Variants in AGO1 observed in about 807,000 individuals in gnomAD.
AGO1 encodes protein argonaute-1.
A neutral mutation model predicts 109.2 loss-of-function variants in AGO1; 11 were observed. That is an observed-to-expected ratio of 0.10 (90% CI 0.06 to 0.17). The LOEUF (loss-of-function observed/expected upper bound fraction) is 0.17, where lower values mean the gene tolerates loss of function less well. Among genes scored for constraint, AGO1 ranks in the 10% least tolerant of loss-of-function variants. The probability of loss-of-function intolerance (pLI) is 1.00; values close to 1 mark genes in which losing one functional copy is unlikely to be tolerated. For missense variants in AGO1, 574 were observed against 1,140.3 expected (o/e 0.50, Z 7.15); for synonymous variants, 422 against 418.6 (o/e 1.01, Z -0.10).
rs1471932731 is a variant in AGO1, at chr1:35,928,521, C to T, written c.*8914C>T. Reference sequence around the variant, plus strand: ...CAGGCTGGCCTCTCTTAGCTTCAAGCTATCCTCCCGCCTCGGCCTCCCAAA... The same window carrying T: ...CAGGCTGGCCTCTCTTAGCTTCAAGTTATCCTCCCGCCTCGGCCTCCCAAA... On this transcript the variant is annotated 3_prime_UTR_variant, in exon 19 of 19. Coordinates refer to ENST00000373204, the MANE Select transcript of AGO1 (RefSeq NM_012199.5). 6.6e-6 allele frequency: 1 copy of T among 152,220 alleles called. No homozygotes were observed. The highest frequency in any genetic ancestry group is 2.4e-5 in the African/African-American group (1 of 41,442). The allele number at this position is 152,220 out of a possible 1,614,324, so 9.4% of individuals were successfully genotyped here.
At chr1:35,914,373 CTTCATA>C in intron 14 of AGO1, 99 bp downstream of exon 14, 2 of 937,810 alleles carry the variant, frequency 2.1e-6, no homozygotes, top group Non-Finnish European at 3.4e-6. Context: ...GCTCTTGAGC[CTTCATA>C]AGATGTCCAT....
At position 35,883,476 on chromosome 1, in the gene AGO1, A is replaced by G. The variant is rs1342776193; in HGVS notation, c.25+30A>G. 4 of 1,545,450 alleles carry G rather than the reference A, an allele frequency of 2.6e-6. No homozygotes were observed. The African/African-American group carries it at 5.8e-5, about 22-fold the overall frequency. ...GGGTCCCCAGGAGGGGGAACGGTGC[A>G]TGCTCCAAGGACTGGGGGATCCCGC... On this transcript the variant is annotated intron_variant, in intron 1 of 18. Transcript: ENST00000373204. The surrounding 1 kb of genome is among the most constrained non-coding windows in gnomAD (Gnocchi z 5.4).
In AGO1 at chr1:35,888,269, T is replaced by C. The variant is rs1156694838; in HGVS notation, c.26-158T>C. ...AAAAAGAGAAAAAACACAGATGAGC[T>C]TGAGATGTCCCCTGGAAGCCCTTGG... is the stretch of plus-strand genomic sequence containing the variant. On this transcript the variant is annotated intron_variant, in intron 1 of 18. Coordinates refer to ENST00000373204, the MANE Select transcript of AGO1 (RefSeq NM_012199.5). The surrounding 1 kb of genome is among the most constrained non-coding windows in gnomAD (Gnocchi z 4.1). 6.6e-6 allele frequency among the ~76,000 whole-genome samples: 1 copy of C among 152,178 alleles called. No homozygotes were observed. Among genetic ancestry groups the C allele is most frequent in the Admixed American group, 6.5e-5 (1 of 15,278 alleles).
chr1:35,909,020 G>A (rs1036472638), intron 12 of AGO1, among the ~76,000 whole-genome samples: 1 of 152,062 alleles, frequency 6.6e-6, no homozygotes, highest in African/African-American at 2.4e-5. Flanking sequence ...GTTTCGCCAT[G>A]TTGGCCAGGC....
In AGO1 at chr1:35,918,442, G is replaced by T. The variant is rs770251093; in HGVS notation, c.2265+19G>T. ...CATCCAGGTAGCTGGGCTTTATCTT[G>T]TGGTTCCAATGGGTCAAAGATGAGT... On this transcript the variant is annotated intron_variant, in intron 17 of 18. Coordinates refer to ENST00000373204, the MANE Select transcript of AGO1 (RefSeq NM_012199.5). The T allele has an allele frequency of 1.3e-6, 2 of 1,590,388 alleles. No homozygotes were observed. The highest frequency in any genetic ancestry group is 1.3e-5 in the African/African-American group (1 of 74,436).
At chr1:35,890,215 G>T (rs1226597670) in intron 2 of AGO1, among the ~76,000 whole-genome samples, 1 of 151,850 alleles carries the variant, frequency 6.6e-6, no homozygotes, top group African/African-American at 2.4e-5. Flanking sequence ...TAGAGACAGG[G>T]TTTCACTATG....
At position 35,888,207 on chromosome 1, in the gene AGO1, A is replaced by C. The variant is rs1645151355; in HGVS notation, c.26-220A>C. On this transcript the variant is annotated intron_variant, in intron 1 of 18. Coordinates refer to ENST00000373204, the MANE Select transcript of AGO1 (RefSeq NM_012199.5). The surrounding 1 kb of genome is among the most constrained non-coding windows in gnomAD (Gnocchi z 4.1). ...CTTAATGAATTAAAAATAGACAATA[A>C]GGATAATTTTCCTAACTGGAGAGAG... Among the ~76,000 whole-genome samples, 1 of 152,238 alleles carries C rather than the reference A, an allele frequency of 6.6e-6. No homozygotes were observed. Among genetic ancestry groups the C allele is most frequent in the Non-Finnish European group, 1.5e-5 (1 of 68,042 alleles).
rs1429852086 is a variant in AGO1, at chr1:35,928,217, AT to A, written c.*8612del. 4 of 152,156 alleles carry A rather than the reference AT, an allele frequency of 2.6e-5. No individual in the cohort carries two copies. The highest frequency in any genetic ancestry group is 6.5e-5 in the Admixed American group (1 of 15,284). 9.4% of individuals were successfully genotyped at this position (152,156 alleles called of 1,614,324 possible). On this transcript the variant is annotated 3_prime_UTR_variant, in exon 19 of 19. Coordinates refer to ENST00000373204, the MANE Select transcript of AGO1 (RefSeq NM_012199.5). ...TGGTAGCTCATTAGTGACCAGTGAT[AT>A]TGATCATCTTTTCATGTGCTCACTT...
chr1:35,876,101 T>A (rs1355614032), intron 1 of AGO1, among the ~76,000 whole-genome samples: 1 of 152,194 alleles, frequency 6.6e-6, no homozygotes, highest in African/African-American at 2.4e-5. Context: ...CCAACTGTCA[T>A]GGATGACTTT....
At chr1:35,912,354 G>C (rs1239762114) in intron 12 of AGO1, among the ~76,000 whole-genome samples, 2 of 96,060 alleles carry the variant, frequency 2.1e-5, no homozygotes, top group East Asian at 8.7e-4. Context: ...GCGAGACTCT[G>C]TCTCAGAAAA....
rs377610395 is a variant in AGO1, at chr1:35,920,743, CTT to C, written c.*1137_*1138del. On this transcript the variant is annotated 3_prime_UTR_variant, in exon 19 of 19. Coordinates refer to ENST00000373204, the MANE Select transcript of AGO1 (RefSeq NM_012199.5). Reference sequence around the variant, plus strand: ...AGTTACTTTCATAGCATTTTTCACTCTTGGCTTCTTTTCTCCCTTGATGGTCA... The same window carrying C: ...AGTTACTTTCATAGCATTTTTCACTCGGCTTCTTTTCTCCCTTGATGGTCA... The C allele has an allele frequency of 1.8e-4, 27 of 152,704 alleles. No homozygotes were observed. The highest frequency in any genetic ancestry group is 6.3e-4 in the African/African-American group (26 of 41,544). The allele number at this position is 152,704 out of a possible 1,614,324, so 9.5% of individuals were successfully genotyped here.
intron 8 of AGO1, among the ~76,000 whole-genome samples, chr1:35,897,882 G>A (rs1301542873): frequency 6.6e-6 from 1 of 152,126 alleles, no homozygotes; most frequent in African/African-American, 2.4e-5. Context: ...CTGAAAGAAA[G>A]CCTGTATTCA....
Position 35,888,743 on chromosome 1 carries a change from G to A in AGO1, c.209+133G>A, listed in dbSNP as rs114472027. 1.6e-3 allele frequency: 1,522 copies of A among 977,276 alleles called. 12 individuals carry two copies. The African/African-American group carries it at 0.023, about 15-fold the overall frequency. 60.5% of individuals were successfully genotyped at this position (977,276 alleles called of 1,614,324 possible). A position where few individuals can be genotyped will look rare whatever the true frequency, so the allele number is the denominator to read the frequency against. ...GAAGTTTTTGAACGGGAGATGCCAC[G>A]TCGGGTAAATGCTGAAAAATAGTCC... On this transcript the variant is annotated intron_variant, in intron 2 of 18. Coordinates refer to ENST00000373204, the MANE Select transcript of AGO1 (RefSeq NM_012199.5). The surrounding 1 kb of genome is among the most constrained non-coding windows in gnomAD (Gnocchi z 4.1).
In AGO1 at chr1:35,888,477, C is replaced by T. The variant is rs1645156991; in HGVS notation, c.76C>T (p.Arg26Trp). The T allele has an allele frequency of 1.9e-6, 3 of 1,614,084 alleles. No homozygotes were observed. Among genetic ancestry groups the T allele is most frequent in the Non-Finnish European group, 2.5e-6 (3 of 1,180,040 alleles). Residue 26 changes from arginine (R) to tryptophan (W), a missense_variant, in exon 2 of 19, where the codon CGG becomes TGG. By Grantham distance (101) the Arg-to-Trp change is moderately radical. This residue lies in a region of AGO1 where 89 missense variants were observed against 109.6 expected (regional missense o/e 0.81). Coordinates refer to ENST00000373204, the MANE Select transcript of AGO1 (RefSeq NM_012199.5). This position sits in a 1 kb window ranked among gnomAD's most constrained non-coding sequence, Gnocchi z 4.1. Reference protein sequence around the residue: ...PLQQVFQAPRRPGIGTVGKPI... With the variant: ...PLQQVFQAPRWPGIGTVGKPI... ...GCAGCAGGTGTTCCAGGCACCTCGC[C>T]GGCCTGGCATTGGCACTGTGGGGAA...
At chr1:35,872,556 T>G (rs1644960535) in intron 1 of AGO1, among the ~76,000 whole-genome samples, 1 of 151,866 alleles carries the variant, frequency 6.6e-6, no homozygotes, top group African/African-American at 2.4e-5. Context: ...TTTCTATTCT[T>G]TTTAATTTTA....
At position 35,896,152 on chromosome 1, in the gene AGO1, A is replaced by G. The variant is rs569290180; in HGVS notation, c.1020+883A>G. On this transcript the variant is annotated intron_variant, in intron 8 of 18. Coordinates refer to ENST00000373204, the MANE Select transcript of AGO1 (RefSeq NM_012199.5). ...GTAGTTGGAATTACAGGCATGCGCC[A>G]CCACACCCAGCTAATTTTGTATTTT... Among the ~76,000 whole-genome samples the G allele has an allele frequency of 5.3e-5, 8 of 152,030 alleles. No homozygotes were observed. In the South Asian group the frequency reaches 1.7e-3, roughly 32 times the overall value.
chr1:35,882,629 C>G (rs189927161), upstream of AGO1, among the ~76,000 whole-genome samples: 2 of 152,296 alleles, frequency 1.3e-5, no homozygotes, highest in African/African-American at 4.8e-5. This position sits in a 1 kb window ranked among gnomAD's most constrained non-coding sequence, Gnocchi z 5.1. Context: ...GGATAGAGCT[C>G]TGTAGCTGCA....
At chr1:35,910,689 A>G (rs1000787123) in intron 12 of AGO1, among the ~76,000 whole-genome samples, 10 of 152,298 alleles carry the variant, frequency 6.6e-5, no homozygotes, top group Admixed American at 3.3e-4. Flanking sequence ...TAGTTTTTCC[A>G]TCATATGAAT....
At chr1:35,892,520 T>A in intron 2 of AGO1, 37 bp from the exon 3 acceptor site, 1 of 1,614,056 alleles carries the variant, frequency 6.2e-7, no homozygotes, top group Non-Finnish European at 8.5e-7. Flanking sequence ...GTGGTGGTAG[T>A]CTCTCAGCTT....
Sources: gnomAD v4.1 joint callset for allele counts (sites outside exome capture counted in the v4.1 genomes callset) on GRCh38, gnomAD v4.1.1 for gene constraint, gnomAD v4.1.1 regional missense constraint, Gnocchi (gnomAD v3.1) non-coding constraint, MANE v1.5 for transcripts, NCBI Gene and HGNC (gene_info 2026-07-23, HGNC 2026-07-21) for gene names.